SOX5: variants seen among roughly 807,000 people sequenced by gnomAD.
SOX5 encodes transcription factor SOX-5.
In SOX5, 9 loss-of-function variants were observed where a neutral mutation model predicts 92.0. The ratio of observed to expected loss-of-function variants is 0.10; its 90% CI spans 0.06 to 0.17. SOX5 has a LOEUF of 0.17. Among genes scored for constraint, SOX5 ranks in the 10% least tolerant of loss-of-function variants. The probability of loss-of-function intolerance (pLI) is 1.00; values close to 1 mark genes in which losing one functional copy is unlikely to be tolerated. For synonymous variants in SOX5, 344 were observed against 336.3 expected, an observed-to-expected ratio of 1.02 and a Z score of -0.25; for missense variants, 642 against 944.5, an observed-to-expected ratio of 0.68 and a Z score of 4.20.
intron 4 of SOX5, among the ~76,000 whole-genome samples, chr12:24,126,671 A>G (rs1229377959): frequency 6.6e-6 from 1 of 152,178 alleles, no homozygotes; most frequent in East Asian, 1.9e-4. Context: ...TTCCCTAGCT[A>G]AAATAACTAC....
chr12:24,532,175 A>G (rs768506311), intron 1 of SOX5, among the ~76,000 whole-genome samples: 6 of 152,278 alleles, frequency 3.9e-5, no homozygotes, highest in African/African-American at 1.4e-4. Flanking sequence ...GTAATACTCA[A>G]TTTATCTATC....
chr12:24,111,973 C>T (rs1294251592), intron 4 of SOX5, among the ~76,000 whole-genome samples: 1 of 152,102 alleles, frequency 6.6e-6, no homozygotes, highest in Non-Finnish European at 1.5e-5. Context: ...AGAATGGTGA[C>T]AGAATAACAG....
intron 3 of SOX5, among the ~76,000 whole-genome samples, chr12:23,770,124 T>C (rs935970744): frequency 4.0e-5 from 6 of 150,558 alleles, no homozygotes; most frequent in African/African-American, 1.5e-4. Flanking sequence ...AACAATTTGC[T>C]TCATTTTCCT....
rs1301202694 is a variant in SOX5 at position 23,570,925 on chromosome 12, AAAAAAATATATATATAT to A, written c.1342+4719_1342+4735del. On this transcript the variant is annotated intron_variant, in intron 10 of 14. Coordinates refer to ENST00000451604, the MANE Select transcript of SOX5 (RefSeq NM_006940.6). ...GACTCCAACTCAAAAAAAAAAAAAA[AAAAAAATATATATATAT>A]ATATATATATATATATATATATATA... Among the ~76,000 whole-genome samples, 7 of 35,714 alleles carry A rather than the reference AAAAAAATATATATATAT, an allele frequency of 2.0e-4. 1 individual carries two copies. The highest frequency in any genetic ancestry group is 8.4e-4 in the African/African-American group (7 of 8,350). The allele number at this position is 35,714 out of a possible 152,430, so 23.4% of individuals were successfully genotyped here.
intron 6 of SOX5, among the ~76,000 whole-genome samples, chr12:23,696,002 A>C (rs1567040314): frequency 6.6e-6 from 1 of 151,208 alleles, no homozygotes; most frequent in Admixed American, 6.6e-5. Context: ...AAAAACAAAA[A>C]ATATGACATA....
At chr12:23,896,525 T>C (rs2097179443) in intron 1 of SOX5, among the ~76,000 whole-genome samples, 2 of 152,128 alleles carry the variant, frequency 1.3e-5, no homozygotes, top group Non-Finnish European at 2.9e-5. Flanking sequence ...TTGTAAAATG[T>C]AGAAATATTG....
chr12:23,954,192 T>C (rs537015644), upstream of SOX5, among the ~76,000 whole-genome samples: 1 of 152,136 alleles, frequency 6.6e-6, no homozygotes, highest in East Asian at 1.9e-4. Flanking sequence ...TGGTCATAGG[T>C]GCAAATTACA....
intron 1 of SOX5, among the ~76,000 whole-genome samples, chr12:24,412,824 G>A (rs1428014644): frequency 1.4e-5 from 2 of 138,060 alleles, no homozygotes; most frequent in African/African-American, 2.8e-5. Context: ...GCGCAATCTC[G>A]GCTCACTGCG....
intron 1 of SOX5, among the ~76,000 whole-genome samples, chr12:24,380,502 G>T (rs537263300): frequency 6.6e-6 from 1 of 152,314 alleles, no homozygotes; most frequent in South Asian, 2.1e-4. Context: ...AATTCTTGAT[G>T]TGTGTGAAGA....
intron 2 of SOX5, among the ~76,000 whole-genome samples, chr12:23,850,207 G>C (rs559712189): frequency 2.0e-5 from 3 of 152,170 alleles, no homozygotes; most frequent in Admixed American, 6.5e-5. Context: ...AAGGTGGGCA[G>C]ATCACGAGGT....
At chr12:23,701,127 G>A (rs2090574390) in intron 6 of SOX5, among the ~76,000 whole-genome samples, 1 of 151,754 alleles carries the variant, frequency 6.6e-6, no homozygotes, top group African/African-American at 2.4e-5. Context: ...AATTTGAGTT[G>A]GCTTATTTCG....
chr12:23,747,874 T>A (rs1362313225), intron 4 of SOX5, among the ~76,000 whole-genome samples: 4 of 151,450 alleles, frequency 2.6e-5, no homozygotes, highest in African/African-American at 9.7e-5. Context: ...ATGTGCCTCA[T>A]ACTGTTTTTA....
intron 1 of SOX5, among the ~76,000 whole-genome samples, chr12:24,511,662 T>C (rs981530109): frequency 6.6e-6 from 1 of 152,140 alleles, no homozygotes; most frequent in African/African-American, 2.4e-5. Context: ...ATTTTATTTT[T>C]TTTAAAGTTT....
intron 2 of SOX5, among the ~76,000 whole-genome samples, chr12:24,330,474 G>A (rs1951180959): frequency 1.3e-5 from 2 of 152,198 alleles, no homozygotes; most frequent in Admixed American, 6.5e-5. Flanking sequence ...CAGCCATACT[G>A]GAGTACAGTC....
At chr12:23,998,825 A>AAAAAAAAAAG in intron 4 of SOX5, among the ~76,000 whole-genome samples, 1 of 129,956 alleles carries the variant, frequency 7.7e-6, no homozygotes, top group Non-Finnish European at 1.7e-5. Context: ...AAAAAAAAAA[A>AAAAAAAAAAG]GGGGGGGCGA....
chr12:23,952,921 T>C (rs1242007198), upstream of SOX5, among the ~76,000 whole-genome samples: 2 of 152,110 alleles, frequency 1.3e-5, no homozygotes, highest in Non-Finnish European at 2.9e-5. Flanking sequence ...TATGACACCA[T>C]AATGCAGAAT....
intron 3 of SOX5, among the ~76,000 whole-genome samples, chr12:23,819,770 T>C (rs11047115): frequency 0.18 from 27,805 of 152,210 alleles, 3,179 homozygotes; most frequent in East Asian, 0.53. Flanking sequence ...TTTTTCTTTT[T>C]TACGGCTGCA....
At chr12:24,290,666 A>G (rs546655526) in intron 2 of SOX5, among the ~76,000 whole-genome samples, 1 of 152,286 alleles carries the variant, frequency 6.6e-6, no homozygotes, top group Non-Finnish European at 1.5e-5. Flanking sequence ...CACTGGTGGT[A>G]TAAAGGCATG....
intron 2 of SOX5, among the ~76,000 whole-genome samples, chr12:24,338,401 C>T (rs1238465599): frequency 6.6e-6 from 1 of 152,050 alleles, no homozygotes; most frequent in Non-Finnish European, 1.5e-5. Context: ...AAACTCATTC[C>T]ATGTTATTCT....
Sources: gnomAD v4.1 joint callset for allele counts (sites outside exome capture counted in the v4.1 genomes callset) on GRCh38, gnomAD v4.1.1 for gene constraint, MANE v1.5 for transcripts, NCBI Gene and HGNC (gene_info 2026-07-23, HGNC 2026-07-21) for gene names.